TMEM61: variants seen among roughly 807,000 people sequenced by gnomAD.
TMEM61 encodes transmembrane protein 61.
TMEM61 carries 13 observed loss-of-function variants against 12.0 expected under a neutral mutation model. The observed-to-expected ratio is 1.08, with a 90% CI of 0.70 to 1.72. TMEM61 has a LOEUF of 1.72. TMEM61 is among the 40% of genes most tolerant of loss of function. The pLI is 0.00. For missense variants in TMEM61, 249 were observed against 276.9 expected (o/e 0.90, Z 0.71); for synonymous variants, 109 against 121.4 (o/e 0.90, Z 0.67).
chr1:54,983,534 G>A (rs532400227), intron 1 of TMEM61, among the ~76,000 whole-genome samples: 2 of 152,282 alleles, frequency 1.3e-5, no homozygotes, highest in South Asian at 4.1e-4. Flanking sequence ...ACGCAGGTGT[G>A]CCTAGGTGTG....
chr1:54,987,595 T>C (rs1024113059), intron 2 of TMEM61, among the ~76,000 whole-genome samples: 13 of 152,376 alleles, frequency 8.5e-5, no homozygotes, highest in Middle Eastern at 3.4e-3. Flanking sequence ...TGCCCTTTTA[T>C]GTACTTATGT....
At chr1:54,985,886 T>C (rs1644253987) in intron 1 of TMEM61, among the ~76,000 whole-genome samples, 1 of 152,188 alleles carries the variant, frequency 6.6e-6, no homozygotes, top group African/African-American at 2.4e-5. Context: ...TTCCCAGTCA[T>C]GGTGCTGATA....
chr1:54,984,628 G>C (rs1315527051), intron 1 of TMEM61, among the ~76,000 whole-genome samples: 2 of 152,188 alleles, frequency 1.3e-5, no homozygotes, highest in African/African-American at 2.4e-5. Flanking sequence ...AGGCACTGAG[G>C]GGATATAGTG....
intron 1 of TMEM61, 92 bp from the exon 2 acceptor site, chr1:54,986,005 T>G: frequency 8.6e-7 from 1 of 1,162,790 alleles, no homozygotes; most frequent in Non-Finnish European, 1.2e-6. Context: ...TCTCCAAGGT[T>G]GTACAGTGAC....
In TMEM61 at chr1:54,991,864, T is replaced by G. The variant is rs1570264165; in HGVS notation, c.394T>G (p.Tyr132Asp). ...CCCCAAAGTGGTTGACATCCCCACT[T>G]ACGAGGAAGCCGTGAGCTTCCCAGT... ...RTPKVVDIPTYEEAVSFPVAE... is the reference protein window; with the variant it reads ...RTPKVVDIPTDEEAVSFPVAE... Residue 132 changes from tyrosine to aspartate, a missense_variant, in exon 3 of 3, where the codon TAC (tyrosine) becomes GAC (aspartate). Physicochemically the swap from Tyr to Asp is radical, Grantham distance 160 (BLOSUM62 -3). Coordinates refer to ENST00000371268, the MANE Select transcript of TMEM61 (RefSeq NM_182532.3). The G allele has an allele frequency of 6.2e-7, 1 of 1,614,002 alleles. No homozygotes were observed.
chr1:54,984,289 C>T (rs773246780), intron 1 of TMEM61, among the ~76,000 whole-genome samples: 8 of 152,186 alleles, frequency 5.3e-5, no homozygotes, highest in Admixed American at 3.3e-4. Flanking sequence ...CTGTGGCCCC[C>T]GCTGCCTGCT....
At chr1:54,981,112 G>A (rs186983042) in intron 1 of TMEM61, 32 bp downstream of exon 1, 17,673 of 1,577,644 alleles carry the variant, frequency 0.011, 147 homozygotes, top group Non-Finnish European at 0.013. Flanking sequence ...CCTCCTTTAC[G>A]GGCACTCAGC....
intron 2 of TMEM61, 61 bp from the exon 3 acceptor site, chr1:54,991,775 C>A: frequency 6.4e-7 from 1 of 1,565,432 alleles, no homozygotes; most frequent in Non-Finnish European, 8.7e-7. Flanking sequence ...CTCACTGTCT[C>A]TCTGGCAGGC....
intron 1 of TMEM61, among the ~76,000 whole-genome samples, chr1:54,984,451 C>T (rs960525746): frequency 2.6e-5 from 4 of 152,256 alleles, no homozygotes; most frequent in Admixed American, 6.5e-5. Flanking sequence ...GGACCAAAGC[C>T]GGGACTGTCC....
At chr1:54,988,164 T>G (rs1644272821) in intron 2 of TMEM61, among the ~76,000 whole-genome samples, 1 of 152,258 alleles carries the variant, frequency 6.6e-6, no homozygotes, top group South Asian at 2.1e-4. Context: ...GTGACCTAGC[T>G]GGTGATACAG....
chr1:54,986,524 G>A, intron 2 of TMEM61, 78 bp downstream of exon 2: 8 of 1,284,228 alleles, frequency 6.2e-6, no homozygotes, highest in Non-Finnish European at 8.6e-6. Flanking sequence ...GCCAGCATTT[G>A]TAATTCCAGC....
At position 54,980,768 on chromosome 1, in the gene TMEM61, C is replaced by T. The variant is rs1644212559; in HGVS notation, c.-298C>T. ...TCAGAGCCCCGCGGGGAGCGCGCAG[C>T]CCTCGGGGCGGGCGCCGGGGTGAGG... On this transcript the variant is annotated 5_prime_UTR_variant, in exon 1 of 3. Coordinates refer to ENST00000371268, the MANE Select transcript of TMEM61 (RefSeq NM_182532.3). The T allele has an allele frequency of 9.1e-6, 3 of 330,190 alleles. No homozygotes were observed. The highest frequency in any genetic ancestry group is 4.3e-5 in the African/African-American group (2 of 46,590). 20.5% of individuals were successfully genotyped at this position (330,190 alleles called of 1,614,324 possible).
intron 2 of TMEM61, among the ~76,000 whole-genome samples, chr1:54,991,210 G>C (rs944948781): frequency 1.3e-4 from 20 of 152,214 alleles, no homozygotes; most frequent in African/African-American, 4.3e-4. Flanking sequence ...AGCCCCTGTG[G>C]GGTGGTTTAG....
chr1:54,991,647 C>T (rs1209693636), intron 2 of TMEM61, among the ~76,000 whole-genome samples, 189 bp from the exon 3 acceptor site: 4 of 152,198 alleles, frequency 2.6e-5, no homozygotes, highest in Admixed American at 6.5e-5. Context: ...GAGTGGGTGG[C>T]GGGAAGGCTG....
At position 54,980,909 on chromosome 1, in the gene TMEM61, G is replaced by A. The variant is rs1644213941; in HGVS notation, c.-157G>A. ...GCGGGCTGGGGAGCAGGGCTCGGGG[G>A]CAGCGGCCAGGCCCCTCCGCCCCTA... is the stretch of plus-strand genomic sequence containing the variant. On this transcript the variant is annotated 5_prime_UTR_variant, in exon 1 of 3. Coordinates refer to ENST00000371268, the MANE Select transcript of TMEM61 (RefSeq NM_182532.3). 2 of 715,454 alleles carry A rather than the reference G, an allele frequency of 2.8e-6. No individual in the cohort carries two copies. The highest frequency in any genetic ancestry group is 4.2e-6 in the Non-Finnish European group (2 of 477,284). 44.3% of individuals were successfully genotyped at this position (715,454 alleles called of 1,614,324 possible). A position where few individuals can be genotyped will look rare whatever the true frequency, so the allele number is the denominator to read the frequency against.
Position 54,980,952 on chromosome 1 carries a change from A to G in TMEM61, c.-114A>G. 1 of 1,195,426 alleles carries G rather than the reference A, an allele frequency of 8.4e-7. No homozygotes were observed. Among genetic ancestry groups the G allele is most frequent in the Non-Finnish European group, 1.1e-6 (1 of 885,934 alleles). 74.1% of individuals were successfully genotyped at this position (1,195,426 alleles called of 1,614,324 possible). ...CGCCCCTAACACCCGCGCCTCCTGC[A>G]GACCCGAGGGTCGCCGCTGGTAGGG... is the stretch of plus-strand genomic sequence containing the variant. On this transcript the variant is annotated 5_prime_UTR_variant, in exon 1 of 3. Coordinates refer to ENST00000371268, the MANE Select transcript of TMEM61 (RefSeq NM_182532.3).
intron 2 of TMEM61, among the ~76,000 whole-genome samples, chr1:54,990,275 C>T (rs1644286179): frequency 6.6e-6 from 1 of 152,160 alleles, no homozygotes; most frequent in South Asian, 2.1e-4. Context: ...CTGGCTGGTG[C>T]CCTGCCCTGT....
chr1:54,988,556 G>A (rs1280470539), intron 2 of TMEM61, among the ~76,000 whole-genome samples: 1 of 152,234 alleles, frequency 6.6e-6, no homozygotes, highest in African/African-American at 2.4e-5. Flanking sequence ...CCCATGGGTG[G>A]CTACTCTGCT....
Position 54,981,035 on chromosome 1 carries a change from C to A in TMEM61, c.-31C>A, listed in dbSNP as rs772443618. On this transcript the variant is annotated 5_prime_UTR_variant, in exon 1 of 3. Transcript: ENST00000371268. Reference sequence around the variant, plus strand: ...CTTCACCTGCGCCCGGCTCCCTGCGCGCCTGGACAGCGCCTGCTGCCCGCC... The same window carrying A: ...CTTCACCTGCGCCCGGCTCCCTGCGAGCCTGGACAGCGCCTGCTGCCCGCC... The A allele has an allele frequency of 1.3e-6, 2 of 1,563,080 alleles. No homozygotes were observed. Among genetic ancestry groups the A allele is most frequent in the Admixed American group, 3.8e-5 (2 of 53,246 alleles).
Sources: allele counts gnomAD v4.1 joint callset (sites outside exome capture counted in the v4.1 genomes callset), GRCh38; gene constraint gnomAD v4.1.1; transcripts MANE v1.5; gene names NCBI Gene and HGNC (gene_info 2026-07-23, HGNC 2026-07-21).